SLC49A3: variants seen among roughly 807,000 people sequenced by gnomAD.
The protein encoded by SLC49A3 is solute carrier family 49 member 3, also known as solute carrier family 49 member A3.
In SLC49A3, 50 loss-of-function variants were observed where a neutral mutation model predicts 43.8. That is an observed-to-expected ratio of 1.14 (90% confidence interval 0.91 to 1.45). SLC49A3 has a LOEUF of 1.45. Among genes scored for constraint, SLC49A3 ranks in the 40% most tolerant of loss-of-function variants. The probability of loss-of-function intolerance (pLI) is 0.00; values close to 1 mark genes in which losing one functional copy is unlikely to be tolerated. For missense variants in SLC49A3, 906 were observed against 774.1 expected (o/e 1.17, Z -2.02); for synonymous variants, 413 against 352.0 (o/e 1.17, Z -1.94).
downstream of SLC49A3, chr4:681,101 T>G: frequency 6.2e-7 from 1 of 1,604,024 alleles, no homozygotes; most frequent in South Asian, 1.1e-5. Flanking sequence ...GCATCAAGCG[T>G]CTGCTGATGT....
intron 2 of SLC49A3, 39 bp from the exon 3 acceptor site, chr4:686,341 C>A: frequency 1.2e-6 from 2 of 1,602,800 alleles, no homozygotes; most frequent in Non-Finnish European, 1.7e-6. Flanking sequence ...AGGAACGCTG[C>A]CACCAGCCCA....
chr4:681,189 C>G, downstream of SLC49A3: 1 of 1,573,944 alleles, frequency 6.4e-7, no homozygotes, highest in South Asian at 1.2e-5. Flanking sequence ...GGGCGGGGCT[C>G]CCGGGGTCAG....
chr4:682,930 C>T (rs1018639340), intron 8 of SLC49A3, 40 bp from the exon 9 acceptor site: 1 of 1,486,672 alleles, frequency 6.7e-7, no homozygotes. Flanking sequence ...GCACTGCCCA[C>T]CCCCTCGGAG....
At chr4:678,587 C>T, downstream of SLC49A3, 1 of 1,542,404 alleles carries the variant, frequency 6.5e-7, no homozygotes, top group Non-Finnish European at 8.7e-7. Flanking sequence ...TTAAGTCTCT[C>T]AAAACTCTGG....
At chr4:680,498 C>T (rs771639336), downstream of SLC49A3, 1 of 1,613,594 alleles carries the variant, frequency 6.2e-7, no homozygotes, top group South Asian at 1.1e-5. Flanking sequence ...CTGAAGGTGC[C>T]TTTGTGGCAG....
At chr4:686,363 C>T (rs1741032322) in intron 2 of SLC49A3, 61 bp from the exon 3 acceptor site, 3 of 1,580,814 alleles carry the variant, frequency 1.9e-6, no homozygotes, top group African/African-American at 1.3e-5. Flanking sequence ...GTGCCTGCCC[C>T]GTCCCCCGAG....
At chr4:691,607 AAAAT>A (rs535647470), upstream of SLC49A3, among the ~76,000 whole-genome samples, 19 of 152,150 alleles carry the variant, frequency 1.2e-4, no homozygotes, top group South Asian at 3.7e-3. Flanking sequence ...AAAAAAAACA[AAAAT>A]AAAACAAGGA....
chr4:678,518 G>A (rs903466349), downstream of SLC49A3: 15 of 1,448,466 alleles, frequency 1.0e-5, no homozygotes, highest in South Asian at 1.0e-4. Flanking sequence ...AGGCTGGCAT[G>A]CTCCTCAGCT....
At position 687,125 on chromosome 4, in the gene SLC49A3, G is replaced by A. The variant is rs371831578; in HGVS notation, c.136-435C>T. On this transcript the variant is annotated intron_variant, in intron 1 of 9. Coordinates refer to ENST00000322224, the MANE Select transcript of SLC49A3 (RefSeq NM_032219.4). ...TGTTTGGGCAGAATGTTGCCAGAGCGGGCACCATTCCCCAGCCACAGGCAT... is the reference window on the plus strand; with the variant it reads ...TGTTTGGGCAGAATGTTGCCAGAGCAGGCACCATTCCCCAGCCACAGGCAT... Among the ~76,000 whole-genome samples the A allele has an allele frequency of 1.6e-4, 24 of 152,312 alleles. No homozygotes were observed. The South Asian group carries it at 4.6e-3, about 29-fold the overall frequency.
downstream of SLC49A3, chr4:678,166 ATATG>A (rs1739043242): frequency 6.5e-7 from 1 of 1,543,000 alleles, no homozygotes; most frequent in South Asian, 1.2e-5. Flanking sequence ...CTCTGCCTGC[ATATG>A]TGTGTGCATG....
At position 683,552 on chromosome 4, in the gene SLC49A3, C is replaced by T. The variant is rs189932119; in HGVS notation, c.993+57G>A. The T allele has an allele frequency of 4.7e-4, 732 of 1,563,306 alleles. 4 individuals are homozygous for T. In the African/African-American group the frequency reaches 7.4e-3, roughly 16 times the overall value. On this transcript the variant is annotated intron_variant, in intron 7 of 9. Coordinates refer to ENST00000322224, the MANE Select transcript of SLC49A3 (RefSeq NM_032219.4). Reference sequence around the variant, plus strand: ...CAGCCAAGCCGCCAACCGCCCTCTCCGGGCCTCACCACCCACCCACCCCCA... The same window carrying T: ...CAGCCAAGCCGCCAACCGCCCTCTCTGGGCCTCACCACCCACCCACCCCCA...
intron 4 of SLC49A3, 35 bp from the exon 5 acceptor site, chr4:684,891 C>G (rs193270488): frequency 0.015 from 23,406 of 1,598,130 alleles, 207 homozygotes; most frequent in Non-Finnish European, 0.018. Context: ...GGAGACCACG[C>G]AGACTGGCAC....
At chr4:678,537 C>G (rs769658387), downstream of SLC49A3, 34 of 1,465,574 alleles carry the variant, frequency 2.3e-5, no homozygotes, top group African/African-American at 4.3e-5. Flanking sequence ...CTGTCTGGCC[C>G]CCTCCAGCCC....
At chr4:690,962 C>T (rs550658404), upstream of SLC49A3, among the ~76,000 whole-genome samples, 1 of 152,350 alleles carries the variant, frequency 6.6e-6, no homozygotes, top group East Asian at 1.9e-4. Flanking sequence ...ATAAACTTAG[C>T]AAACCATCTA....
chr4:682,690 C>T, intron 9 of SLC49A3, 91 bp downstream of exon 9: 1 of 1,082,084 alleles, frequency 9.2e-7, no homozygotes, highest in Non-Finnish European at 1.3e-6. Flanking sequence ...TTTAGGGCTC[C>T]CCACGTAGGG....
upstream of SLC49A3, chr4:689,249 GC>G: frequency 1.8e-6 from 1 of 552,628 alleles, no homozygotes. Flanking sequence ...GCCACGGGGG[GC>G]CAGTTCCGCC....
At position 682,901 on chromosome 4, in the gene SLC49A3, G is replaced by A. The variant is rs200293506; in HGVS notation, c.1152-11C>T. 7.9e-5 allele frequency: 124 copies of A among 1,574,070 alleles called. No individual in the cohort carries two copies. Among genetic ancestry groups the A allele is most frequent in the Admixed American group, 4.7e-4 (27 of 57,514 alleles). On this transcript the variant is annotated splice_polypyrimidine_tract_variant and intron_variant, in intron 8 of 9. Coordinates refer to ENST00000322224, the MANE Select transcript of SLC49A3 (RefSeq NM_032219.4). ...ATTCCCTCGGCCTGCCTGGACACAC[G>A]TGGCCCTCAGCCCCCGCTGCACTGC...
At position 684,712 on chromosome 4, in the gene SLC49A3, C is replaced by T; in HGVS notation, c.723+7G>A. 1.9e-6 allele frequency: 3 copies of T among 1,610,294 alleles called. No individual in the cohort carries two copies. On this transcript the variant is annotated splice_region_variant and intron_variant, in intron 5 of 9. Coordinates refer to ENST00000322224, the MANE Select transcript of SLC49A3 (RefSeq NM_032219.4). ...CCACCCTACCCCGGGGATCCCACGG[C>T]ACTGACCAGCTTGAGCCCATCCAGG...
At chr4:686,361 C>G in intron 2 of SLC49A3, 59 bp from the exon 3 acceptor site, 1 of 1,582,790 alleles carries the variant, frequency 6.3e-7, no homozygotes, top group Non-Finnish European at 8.6e-7. Context: ...AAGTGCCTGC[C>G]CCGTCCCCCG....
Sources: gnomAD v4.1 joint callset for allele counts (sites outside exome capture counted in the v4.1 genomes callset) on GRCh38, gnomAD v4.1.1 for gene constraint, MANE v1.5 for transcripts, NCBI Gene and HGNC (gene_info 2026-07-23, HGNC 2026-07-21) for gene names.